Variants in DLG2 observed in about 807,000 individuals in gnomAD.
DLG2 encodes disks large homolog 2.
Under a neutral mutation model 132.5 loss-of-function variants are expected in DLG2, and 45 were observed. That is an observed-to-expected ratio of 0.34 (90% CI 0.27 to 0.44). The LOEUF (loss-of-function observed/expected upper bound fraction) is 0.44. Among genes scored for constraint, DLG2 ranks in the 20% least tolerant of loss-of-function variants. DLG2 has a pLI of 1.00. For synonymous variants in DLG2, 424 were observed against 419.6 expected (o/e 1.01, Z -0.13); for missense variants, 1,045 against 1,196.9 (o/e 0.87, Z 1.87).
chr11:85,527,063 T>A (rs572903130), intron 3 of DLG2, among the ~76,000 whole-genome samples: 91 of 152,092 alleles, frequency 6.0e-4, no homozygotes, highest in Middle Eastern at 3.4e-3. Flanking sequence ...TGGGCAAGAG[T>A]CTTGAATACA....
intron 6 of DLG2, among the ~76,000 whole-genome samples, chr11:84,582,868 T>C (rs1345170196): frequency 6.6e-6 from 1 of 152,206 alleles, no homozygotes; most frequent in Non-Finnish European, 1.5e-5. Flanking sequence ...ATCTTATCCT[T>C]GCAGGTTAGT....
At chr11:85,259,310 C>T (rs1489677475) in intron 4 of DLG2, among the ~76,000 whole-genome samples, 1 of 152,162 alleles carries the variant, frequency 6.6e-6, no homozygotes, top group Non-Finnish European at 1.5e-5. Context: ...TCTGCTTCCC[C>T]TTTGCCTTCC....
At chr11:83,603,719 A>G (rs1247366230) in intron 19 of DLG2, among the ~76,000 whole-genome samples, 2 of 152,180 alleles carry the variant, frequency 1.3e-5, no homozygotes, top group African/African-American at 4.8e-5. Context: ...TTAACTTGTA[A>G]TTCCTTGATT....
rs142334451 is a variant in DLG2, at chr11:84,316,626, G to A, written c.520-65335C>T. 4.7e-3 allele frequency among the ~76,000 whole-genome samples: 719 copies of A among 152,224 alleles called. 11 individuals are homozygous for A. The highest frequency in any genetic ancestry group is 0.016 in the African/African-American group (670 of 41,544). Reference sequence around the variant, plus strand: ...AAAGTCAGTGAAATAAACTGAGCACGGCATCCCTAGACTTTCACAGGCCAC... The same window carrying A: ...AAAGTCAGTGAAATAAACTGAGCACAGCATCCCTAGACTTTCACAGGCCAC... On this transcript the variant is annotated intron_variant, in intron 7 of 27. Transcript: ENST00000376104.
At chr11:85,207,586 C>T (rs1174927398) in intron 4 of DLG2, among the ~76,000 whole-genome samples, 1 of 152,052 alleles carries the variant, frequency 6.6e-6, no homozygotes, top group Non-Finnish European at 1.5e-5. Context: ...CAATGCTTGG[C>T]ACATAGACCC....
chr11:85,219,055 T>C (rs1159566254), intron 4 of DLG2, among the ~76,000 whole-genome samples: 1 of 152,016 alleles, frequency 6.6e-6, no homozygotes, highest in Non-Finnish European at 1.5e-5. Flanking sequence ...ATGAGAACAA[T>C]AGATGCTTAA....
At chr11:83,985,338 A>C (rs552941859) in intron 11 of DLG2, among the ~76,000 whole-genome samples, 3 of 151,112 alleles carry the variant, frequency 2.0e-5, no homozygotes, top group African/African-American at 7.3e-5. Flanking sequence ...TTCTTTTTTT[A>C]TTTTTATTTT....
intron 7 of DLG2, among the ~76,000 whole-genome samples, chr11:84,496,741 T>C (rs1016910275): frequency 2.6e-5 from 4 of 152,180 alleles, no homozygotes; most frequent in African/African-American, 7.2e-5. Context: ...TTTTTATTTA[T>C]GTTATCTTAT....
intron 9 of DLG2, among the ~76,000 whole-genome samples, chr11:84,117,972 C>T (rs559254241): frequency 6.6e-6 from 1 of 152,186 alleles, no homozygotes; most frequent in South Asian, 2.1e-4. Flanking sequence ...TCTCCTGCCT[C>T]AGCTTCCGGA....
At chr11:84,502,338 CTT>C (rs1300083139) in intron 7 of DLG2, among the ~76,000 whole-genome samples, 8 of 31,296 alleles carry the variant, frequency 2.6e-4, no homozygotes, top group South Asian at 1.0e-3. Flanking sequence ...TTCTTTCTTT[CTT>C]TCTTTCTTTC....
intron 7 of DLG2, among the ~76,000 whole-genome samples, chr11:84,390,849 T>C (rs1488588065): frequency 1.3e-5 from 2 of 152,196 alleles, no homozygotes; most frequent in Admixed American, 6.6e-5. Context: ...CTGTCACTCA[T>C]AGAAGTCAGA....
At chr11:85,039,175 A>T (rs1462122197) in intron 6 of DLG2, among the ~76,000 whole-genome samples, 1 of 151,736 alleles carries the variant, frequency 6.6e-6, no homozygotes. Context: ...TGGTTTATTC[A>T]CACAAAGGAC....
At chr11:83,814,332 T>C (rs1365891693) in intron 17 of DLG2, among the ~76,000 whole-genome samples, 3 of 152,172 alleles carry the variant, frequency 2.0e-5, no homozygotes, top group African/African-American at 7.2e-5. Context: ...AACAGGGCCG[T>C]TACTCTACTC....
At chr11:84,657,317 T>C (rs911927303) in intron 6 of DLG2, among the ~76,000 whole-genome samples, 3 of 152,090 alleles carry the variant, frequency 2.0e-5, no homozygotes, top group African/African-American at 7.2e-5. Context: ...AAACAGGGGC[T>C]TTGATGGAAT....
At chr11:85,051,072 C>T (rs2062841423) in intron 6 of DLG2, among the ~76,000 whole-genome samples, 1 of 152,102 alleles carries the variant, frequency 6.6e-6, no homozygotes, top group Non-Finnish European at 1.5e-5. Flanking sequence ...CATTGTCATG[C>T]TTCTTAAACA....
chr11:85,484,449 T>A (rs1435509309), intron 3 of DLG2, among the ~76,000 whole-genome samples: 1 of 150,608 alleles, frequency 6.6e-6, no homozygotes, highest in East Asian at 1.9e-4. Flanking sequence ...CGCAACCTAC[T>A]CATCTGACAA....
At chr11:84,066,704 T>C (rs1165363876) in intron 10 of DLG2, among the ~76,000 whole-genome samples, 1 of 151,786 alleles carries the variant, frequency 6.6e-6, no homozygotes, top group Non-Finnish European at 1.5e-5. Context: ...GAGGTTGCAG[T>C]GAGCCGAGAT....
chr11:84,749,011 T>G (rs1207255218), intron 6 of DLG2, among the ~76,000 whole-genome samples: 1 of 152,058 alleles, frequency 6.6e-6, no homozygotes, highest in African/African-American at 2.4e-5. Flanking sequence ...TCTAATAAAA[T>G]AAATTAAGAA....
upstream of DLG2, chr11:85,627,574 T>C (rs1236953743): frequency 1.3e-5 from 2 of 152,180 alleles, no homozygotes. Flanking sequence ...GCCGTAGTAG[T>C]ATTAGACATG....
Sources: allele counts gnomAD v4.1 joint callset (sites outside exome capture counted in the v4.1 genomes callset), GRCh38; gene constraint gnomAD v4.1.1; transcripts MANE v1.5; gene names NCBI Gene and HGNC (gene_info 2026-07-23, HGNC 2026-07-21).